Variants in MACROD1 observed in about 807,000 individuals in gnomAD.
The protein encoded by MACROD1 is ADP-ribose glycohydrolase MACROD1.
In MACROD1, 31 loss-of-function variants were observed where a neutral mutation model predicts 41.4. The ratio of observed to expected loss-of-function variants is 0.75; its 90% CI spans 0.56 to 1.01. The LOEUF (loss-of-function observed/expected upper bound fraction) is 1.01. Ranked by LOEUF, MACROD1 falls within the 50% of genes least tolerant of loss-of-function variation. The probability of loss-of-function intolerance (pLI) is 0.00; values close to 1 mark genes in which losing one functional copy is unlikely to be tolerated. For missense variants in MACROD1, 473 were observed against 460.0 expected (o/e 1.03, Z -0.26); for synonymous variants, 252 against 203.4 (o/e 1.24, Z -2.03).
At chr11:64,139,606 C>A (rs1417558570) in intron 3 of MACROD1, among the ~76,000 whole-genome samples, 1 of 152,146 alleles carries the variant, frequency 6.6e-6, no homozygotes, top group Non-Finnish European at 1.5e-5. Flanking sequence ...TGTGGTAATG[C>A]ATTTTTTTCC....
intron 3 of MACROD1, among the ~76,000 whole-genome samples, chr11:64,092,152 C>T (rs1944502217): frequency 6.6e-6 from 1 of 152,214 alleles, no homozygotes. Context: ...GCCGTGGCAT[C>T]CCGAGTGGGT....
At chr11:64,105,795 G>T (rs1279149161) in intron 3 of MACROD1, among the ~76,000 whole-genome samples, 1 of 152,194 alleles carries the variant, frequency 6.6e-6, no homozygotes, top group Non-Finnish European at 1.5e-5. Flanking sequence ...AAGGCCCCAG[G>T]AGGTGGGCGG....
chr11:64,152,446 C>T, intron 1 of MACROD1, 53 bp from the exon 2 acceptor site: 1 of 1,365,586 alleles, frequency 7.3e-7, no homozygotes, highest in African/African-American at 1.4e-5. Context: ...GGGCCTGGGG[C>T]TTGCACCCCC....
intron 3 of MACROD1, among the ~76,000 whole-genome samples, chr11:64,042,418 G>T (rs320136): frequency 0.04 from 6,112 of 152,242 alleles, 414 homozygotes; most frequent in African/African-American, 0.14. Flanking sequence ...GGAATGGGGG[G>T]GTGTGAAGGA....
At chr11:64,154,560 T>C (rs755262872) in intron 1 of MACROD1, among the ~76,000 whole-genome samples, 1 of 152,136 alleles carries the variant, frequency 6.6e-6, no homozygotes, top group South Asian at 2.1e-4. Flanking sequence ...TGTTCAAAAC[T>C]GCATTCAAAC....
chr11:64,126,352 G>T (rs1175214627), intron 3 of MACROD1, among the ~76,000 whole-genome samples: 6 of 152,156 alleles, frequency 3.9e-5, no homozygotes, highest in Non-Finnish European at 8.8e-5. Context: ...TGGGGAGAGA[G>T]GTGACGGAGG....
chr11:64,152,990 G>A (rs1333341545), intron 1 of MACROD1, among the ~76,000 whole-genome samples: 1 of 152,186 alleles, frequency 6.6e-6, no homozygotes, highest in African/African-American at 2.4e-5. Flanking sequence ...AATCGTTCTC[G>A]TTTTACAGAT....
chr11:64,051,362 T>C (rs1224316490), intron 3 of MACROD1, among the ~76,000 whole-genome samples: 1 of 152,086 alleles, frequency 6.6e-6, no homozygotes, highest in Non-Finnish European at 1.5e-5. Flanking sequence ...GTGCGTGTGG[T>C]CACGAGCTAG....
intron 1 of MACROD1, among the ~76,000 whole-genome samples, chr11:64,158,613 GA>G (rs1945705394): frequency 1.3e-5 from 2 of 152,138 alleles, no homozygotes; most frequent in African/African-American, 4.8e-5. Flanking sequence ...TATGGATGAG[GA>G]AACTGAGGCT....
At chr11:64,047,263 C>T (rs1244937278) in intron 3 of MACROD1, among the ~76,000 whole-genome samples, 5 of 152,160 alleles carry the variant, frequency 3.3e-5, no homozygotes, top group Non-Finnish European at 5.9e-5. Context: ...CCCAGCAAGC[C>T]TTCCTGGCCC....
chr11:64,028,727 G>T (rs1943256090), intron 3 of MACROD1, among the ~76,000 whole-genome samples: 1 of 151,438 alleles, frequency 6.6e-6, no homozygotes, highest in Non-Finnish European at 1.5e-5. Context: ...CAGCCTCAGC[G>T]GCGCTGGTGC....
rs560488324 is a variant in MACROD1 at position 64,146,764 on chromosome 11, C to A, written c.517+4475G>T. Among the ~76,000 whole-genome samples the A allele has an allele frequency of 1.5e-3, 231 of 151,764 alleles. No homozygotes were observed. The highest frequency in any genetic ancestry group is 5.3e-3 in the African/African-American group (219 of 41,342). On this transcript the variant is annotated intron_variant, in intron 3 of 10. Transcript: ENST00000255681. The surrounding 1 kb of genome is among the most constrained non-coding windows in gnomAD (Gnocchi z 4.7). ...CACAGACACACACACATCACGCACA[C>A]ACACGCATCACACACATCATACAAA... is the stretch of plus-strand genomic sequence containing the variant.
At chr11:64,126,695 T>A (rs1344252301) in intron 3 of MACROD1, among the ~76,000 whole-genome samples, 1 of 151,720 alleles carries the variant, frequency 6.6e-6, no homozygotes, top group East Asian at 1.9e-4. Context: ...AAGGGGTGGG[T>A]CCTTCTGCTC....
chr11:64,104,178 G>C (rs1445628487), intron 3 of MACROD1: 1 of 152,398 alleles, frequency 6.6e-6, no homozygotes, highest in Non-Finnish European at 1.5e-5. Context: ...CAGCGACGAA[G>C]GAGGTAAGGC....
intron 3 of MACROD1, among the ~76,000 whole-genome samples, chr11:64,123,444 G>A (rs897274256): frequency 6.6e-6 from 1 of 151,944 alleles, no homozygotes; most frequent in Non-Finnish European, 1.5e-5. Context: ...AAACTCCTTG[G>A]AGGTGCAGGG....
At chr11:64,055,722 G>A (rs1422074159) in intron 3 of MACROD1, among the ~76,000 whole-genome samples, 1 of 152,170 alleles carries the variant, frequency 6.6e-6, no homozygotes, top group Non-Finnish European at 1.5e-5. Context: ...TGGATGATGG[G>A]CCATGGGAGG....
intron 3 of MACROD1, among the ~76,000 whole-genome samples, chr11:64,021,332 G>C (rs1006499325): frequency 3.9e-5 from 6 of 152,228 alleles, no homozygotes; most frequent in African/African-American, 1.4e-4. Context: ...CAGGAGGCCA[G>C]AGCCACGAAG....
At chr11:64,069,183 G>C (rs1008965560) in intron 3 of MACROD1, among the ~76,000 whole-genome samples, 4 of 152,230 alleles carry the variant, frequency 2.6e-5, no homozygotes, top group African/African-American at 9.7e-5. Context: ...GCGGGGAGCA[G>C]AGCAGGAGGG....
intron 3 of MACROD1, among the ~76,000 whole-genome samples, chr11:64,039,885 G>A (rs1943453007): frequency 6.6e-6 from 1 of 152,158 alleles, no homozygotes; most frequent in South Asian, 2.1e-4. Flanking sequence ...GGGTGGGGGA[G>A]AGGACAGGGA....
Sources: allele counts gnomAD v4.1 joint callset (sites outside exome capture counted in the v4.1 genomes callset), GRCh38; gene constraint gnomAD v4.1.1; non-coding constraint Gnocchi (gnomAD v3.1); transcripts MANE v1.5; gene names NCBI Gene and HGNC (gene_info 2026-07-23, HGNC 2026-07-21).